Variants in TTC6 observed in about 807,000 individuals in gnomAD.
The protein encoded by TTC6 is tetratricopeptide repeat domain 6.
In TTC6, 172 loss-of-function variants were observed where a neutral mutation model predicts 210.4. The observed-to-expected ratio is 0.82, with a 90% CI of 0.72 to 0.93. TTC6 has a LOEUF of 0.93. Among genes scored for constraint, TTC6 ranks in the 40% least tolerant of loss-of-function variants. The pLI is 0.00. For missense variants in TTC6, 2,414 were observed against 2,318.1 expected (o/e 1.04, Z -0.85); for synonymous variants, 804 against 819.6 (o/e 0.98, Z 0.32).
chr14:37,607,011 A>G lies in TTC6; in HGVS notation c.-155+269A>G, dbSNP rs993926182. 7.9e-5 allele frequency among the ~76,000 whole-genome samples: 12 copies of G among 152,356 alleles called. No individual in the cohort carries two copies. In the East Asian group the frequency reaches 1.5e-3, roughly 20 times the overall value. On this transcript the variant is annotated intron_variant, in intron 2 of 2. Coordinates refer to the TTC6 transcript ENST00000556845. Reference sequence around the variant, plus strand: ...CTAAAATAAAATATTGATAGTATCAAGTTTTTTTGACTTAGGCTACAAAGC... The same window carrying G: ...CTAAAATAAAATATTGATAGTATCAGGTTTTTTTGACTTAGGCTACAAAGC...
exon 6 of TTC6, chr14:37,714,794 G>A (rs1479310354): frequency 3.9e-6 from 6 of 1,533,072 alleles, no homozygotes; most frequent in African/African-American, 1.4e-5. Flanking sequence ...CTTGGGAGAG[G>A]AAGTAAGAAC....
At chr14:37,649,666 A>C (rs1053379746) in intron 1 of TTC6, among the ~76,000 whole-genome samples, 9 of 152,172 alleles carry the variant, frequency 5.9e-5, no homozygotes, top group Admixed American at 2.0e-4. Context: ...ATGGGCCCTC[A>C]GTGGTCTATG....
intron 1 of TTC6, among the ~76,000 whole-genome samples, chr14:37,668,941 G>A (rs560724227): frequency 1.3e-5 from 2 of 152,202 alleles, no homozygotes; most frequent in African/African-American, 4.8e-5. Context: ...GACTTCTTTG[G>A]TCCTTCCCTC....
At chr14:37,774,068 C>G (rs2096029396) in intron 14 of TTC6, among the ~76,000 whole-genome samples, 1 of 151,950 alleles carries the variant, frequency 6.6e-6, no homozygotes, top group African/African-American at 2.4e-5. Flanking sequence ...TTTGGATATT[C>G]TTGGTATGGA....
chr14:37,781,679 T>A lies in TTC6; in HGVS notation c.3267-5789T>A, dbSNP rs2096055201. Among the ~76,000 whole-genome samples, 7 of 152,220 alleles carry A rather than the reference T, an allele frequency of 4.6e-5. No homozygotes were observed. The South Asian group carries it at 1.4e-3, about 32-fold the overall frequency. ...GCTTTTGTTGCCGTTACTTTTGGTG[T>A]TTTAGACGTGAAATCCTTGCCCATG... On this transcript the variant is annotated intron_variant, in intron 14 of 30. Coordinates refer to ENST00000553443, the Ensembl canonical transcript of TTC6.
At chr14:37,827,066 T>A in intron 28 of TTC6, 130 bp from the exon 31 acceptor site, 1 of 651,592 alleles carries the variant, frequency 1.5e-6, no homozygotes, top group Non-Finnish European at 2.4e-6. Flanking sequence ...TTTGTTCTAC[T>A]GGAGTTTTAC....
chr14:37,836,837 T>A (rs1369602904), intron 29 of TTC6, among the ~76,000 whole-genome samples: 1 of 152,188 alleles, frequency 6.6e-6, no homozygotes, highest in East Asian at 1.9e-4. Context: ...TCTGATCTAA[T>A]AAACTCTAGA....
chr14:37,697,527 G>T (rs1305271699), intron 4 of TTC6, among the ~76,000 whole-genome samples: 2 of 152,056 alleles, frequency 1.3e-5, no homozygotes, highest in South Asian at 4.1e-4. Context: ...ATTAGCTTTT[G>T]TTGTTGCTTA....
chr14:37,673,549 G>A (rs952735889), intron 1 of TTC6, among the ~76,000 whole-genome samples: 1 of 152,210 alleles, frequency 6.6e-6, no homozygotes, highest in East Asian at 1.9e-4. Flanking sequence ...GAGGGCAGCT[G>A]CTCTCTCTAC....
chr14:37,655,228 C>T (rs755537887), intron 1 of TTC6, among the ~76,000 whole-genome samples: 2 of 151,404 alleles, frequency 1.3e-5, no homozygotes, highest in East Asian at 1.9e-4. Flanking sequence ...TAAATATTTA[C>T]GATAAAACAT....
At chr14:37,599,265 C>A (rs1356154536) in intron 1 of TTC6, among the ~76,000 whole-genome samples, 2 of 152,202 alleles carry the variant, frequency 1.3e-5, no homozygotes, top group African/African-American at 4.8e-5. Flanking sequence ...CATCTTCCTT[C>A]CTCTCTCCCT....
chr14:37,695,456 A>C (rs1302839254), intron 3 of TTC6, among the ~76,000 whole-genome samples: 1 of 152,050 alleles, frequency 6.6e-6, no homozygotes, highest in Admixed American at 6.6e-5. Context: ...CCAGGTTTGA[A>C]TGATTCTCCT....
intron 1 of TTC6, among the ~76,000 whole-genome samples, chr14:37,632,185 G>A (rs2139345952): frequency 6.6e-6 from 1 of 152,290 alleles, no homozygotes; most frequent in African/African-American, 2.4e-5. Context: ...TCCTTTGGAG[G>A]ACAAGAGGCG....
At chr14:37,607,824 C>G (rs958852772) in intron 2 of TTC6, among the ~76,000 whole-genome samples, 1 of 152,002 alleles carries the variant, frequency 6.6e-6, no homozygotes, top group Non-Finnish European at 1.5e-5. Flanking sequence ...AAGGTGGAGT[C>G]TTGCTATGTT....
In TTC6 at chr14:37,790,709, T is replaced by G. The variant is rs1292389569; in HGVS notation, c.3437-8T>G. On this transcript the variant is annotated splice_region_variant and splice_polypyrimidine_tract_variant and intron_variant, in intron 15 of 30. Transcript: ENST00000553443. ...CTGAATGAAATACATTTTTTTAAACTTTTTAAGCACTCATAAATGATGGCT... is the reference window on the plus strand; with the variant it reads ...CTGAATGAAATACATTTTTTTAAACGTTTTAAGCACTCATAAATGATGGCT... The G allele has an allele frequency of 2.0e-6, 3 of 1,531,580 alleles. No individual in the cohort carries two copies. The highest frequency in any genetic ancestry group is 3.9e-5 in the Admixed American group (2 of 50,816). The allele number at this position is 1,531,580 out of a possible 1,614,324, so 94.9% of individuals were successfully genotyped here.
At chr14:37,758,736 AG>A (rs1264425790) in intron 14 of TTC6, among the ~76,000 whole-genome samples, 3 of 152,238 alleles carry the variant, frequency 2.0e-5, no homozygotes, top group Admixed American at 6.5e-5. Context: ...TCATGATGCT[AG>A]CTGGTTATTT....
intron 1 of TTC6, among the ~76,000 whole-genome samples, chr14:37,625,983 C>T (rs2095659627): frequency 6.6e-6 from 1 of 152,106 alleles, no homozygotes; most frequent in Admixed American, 6.6e-5. Flanking sequence ...AGGTGGCTGT[C>T]CTGTGAATTG....
At chr14:37,710,444 C>G (rs1439584842) in intron 5 of TTC6, among the ~76,000 whole-genome samples, 1 of 152,076 alleles carries the variant, frequency 6.6e-6, no homozygotes, top group Non-Finnish European at 1.5e-5. Context: ...CTCTCTCTGG[C>G]CTCATGGGAG....
At chr14:37,647,138 C>T (rs1321294172) in intron 1 of TTC6, among the ~76,000 whole-genome samples, 1 of 152,198 alleles carries the variant, frequency 6.6e-6, no homozygotes, top group Non-Finnish European at 1.5e-5. Flanking sequence ...AGTACTGTCC[C>T]TTCTGAGAAT....
Sources: gnomAD v4.1 joint callset for allele counts (sites outside exome capture counted in the v4.1 genomes callset) on GRCh38, gnomAD v4.1.1 for gene constraint, MANE v1.5 for transcripts, NCBI Gene and HGNC (gene_info 2026-07-23, HGNC 2026-07-21) for gene names.